The following MMS22L variants were observed in gnomAD, a reference collection of about 807,000 sequenced individuals.
MMS22L encodes protein MMS22-like.
In MMS22L, 74 loss-of-function variants were observed where a neutral mutation model predicts 159.1. The ratio of observed to expected loss-of-function variants is 0.47; its 90% CI spans 0.39 to 0.56. MMS22L has a LOEUF of 0.56. MMS22L is among the 20% of genes least tolerant of loss of function. The pLI, the probability that MMS22L is intolerant of heterozygous loss-of-function variation, is 0.00. For synonymous variants in MMS22L, 517 were observed against 506.9 expected, an observed-to-expected ratio of 1.02 and a Z score of -0.27; for missense variants, 1,351 against 1,422.1, an observed-to-expected ratio of 0.95 and a Z score of 0.80.
rs141798996 is a variant in MMS22L at position 97,142,357 on chromosome 6, C to T, written c.*4449G>A. On this transcript the variant is annotated 3_prime_UTR_variant, in exon 25 of 25. Coordinates refer to ENST00000683635, the MANE Select transcript of MMS22L (RefSeq NM_001350599.2). ...TCAATTCCAACCATTTGGTAATTTACAATGCAGGTTATCACAGTATCAAAA... is the reference window on the plus strand; with the variant it reads ...TCAATTCCAACCATTTGGTAATTTATAATGCAGGTTATCACAGTATCAAAA... 8 of 152,466 alleles carry T rather than the reference C, an allele frequency of 5.2e-5. No individual in the cohort carries two copies. Among genetic ancestry groups the T allele is most frequent in the East Asian group, 1.9e-4 (1 of 5,188 alleles). The allele number at this position is 152,466 out of a possible 1,614,324, so 9.4% of individuals were successfully genotyped here.
Position 97,246,694 on chromosome 6 carries a change from G to A in MMS22L, c.1120-4C>T. 6.5e-7 allele frequency: 1 copy of A among 1,539,606 alleles called. No homozygotes were observed. ...TCCAATTTGATTCCACTTTTCTCTA[G>A]AAAGGGAGAAAATAGTGCATCAAAA... On this transcript the variant is annotated splice_polypyrimidine_tract_variant and splice_region_variant and intron_variant, in intron 10 of 24. Coordinates refer to ENST00000683635, the MANE Select transcript of MMS22L (RefSeq NM_001350599.2).
intron 24 of MMS22L, 88 bp from the exon 25 acceptor site, chr6:97,146,975 T>TCCATCCATCCATCTATTCAG: frequency 2.5e-6 from 2 of 805,392 alleles, no homozygotes; most frequent in Non-Finnish European, 3.9e-6. Context: ...CTGCCCATCA[T>TCCATCCATCCATCTATTCAG]CCATCCATCC....
chr6:97,275,891 T>C (rs565904618), intron 4 of MMS22L, among the ~76,000 whole-genome samples: 26 of 152,018 alleles, frequency 1.7e-4, no homozygotes, highest in Non-Finnish European at 3.1e-4. Context: ...TAGTCTCAGC[T>C]ACTTGGGAAG....
chr6:97,197,069 A>T (rs1806604673), intron 14 of MMS22L, among the ~76,000 whole-genome samples: 2 of 152,156 alleles, frequency 1.3e-5, no homozygotes, highest in Non-Finnish European at 2.9e-5. Flanking sequence ...CAAAAAAAAT[A>T]AAAATTTTCA....
chr6:97,172,679 A>G (rs1324060581), intron 19 of MMS22L, among the ~76,000 whole-genome samples: 4 of 152,046 alleles, frequency 2.6e-5, no homozygotes, highest in African/African-American at 9.7e-5. Flanking sequence ...AGAGCAGAGC[A>G]TAGAAATAGA....
chr6:97,155,676 G>A (rs1182353559), intron 22 of MMS22L, among the ~76,000 whole-genome samples: 2 of 152,150 alleles, frequency 1.3e-5, no homozygotes, highest in Non-Finnish European at 1.5e-5. Context: ...GTATTCCATG[G>A]TGTATATATG....
intron 14 of MMS22L, among the ~76,000 whole-genome samples, chr6:97,192,428 T>C (rs940891681): frequency 5.9e-5 from 9 of 152,306 alleles, no homozygotes; most frequent in Non-Finnish European, 7.4e-5. Context: ...GTTTTTCATC[T>C]GTTAAATGGA....
At chr6:97,270,353 T>G in intron 6 of MMS22L, 1 of 453,138 alleles carries the variant, frequency 2.2e-6, no homozygotes, top group Admixed American at 2.4e-5. Flanking sequence ...GCTAGGAAAT[T>G]TTTTTTAATG....
In MMS22L at chr6:97,267,875, G is replaced by C. The variant is rs1343477153; in HGVS notation, c.825C>G (p.Asp275Glu). 2 of 1,603,126 alleles carry C rather than the reference G, an allele frequency of 1.2e-6. No homozygotes were observed. The highest frequency in any genetic ancestry group is 1.7e-6 in the Non-Finnish European group (2 of 1,176,580). Residue 275 changes from aspartate to glutamate, a missense_variant, in exon 8 of 25, where the codon GAC becomes GAG. Asp to Glu is a conservative substitution (Grantham distance 45, BLOSUM62 2). Coordinates refer to ENST00000683635, the MANE Select transcript of MMS22L (RefSeq NM_001350599.2). ...ATACAAACTCTTAAAGCATTACCTTGTCGTACCTGTTGAGTGACAGGCTTA... is the reference window on the plus strand; with the variant it reads ...ATACAAACTCTTAAAGCATTACCTTCTCGTACCTGTTGAGTGACAGGCTTA... ...DLISLSLNRYDKVRSSESLMS... is the reference protein window; with the variant it reads ...DLISLSLNRYEKVRSSESLMS...
intron 14 of MMS22L, among the ~76,000 whole-genome samples, chr6:97,194,832 G>C (rs1365600559): frequency 6.6e-6 from 1 of 152,096 alleles, no homozygotes; most frequent in Non-Finnish European, 1.5e-5. Flanking sequence ...TGAAAAGGAG[G>C]AAAGTAAAAA....
At chr6:97,262,696 CA>C (rs1814628240) in intron 9 of MMS22L, among the ~76,000 whole-genome samples, 1 of 151,432 alleles carries the variant, frequency 6.6e-6, no homozygotes, top group Admixed American at 6.6e-5. Flanking sequence ...ACCCAAACCC[CA>C]AATTACAGAA....
intron 6 of MMS22L, chr6:97,271,921 C>G (rs889642042): frequency 6.6e-6 from 1 of 152,230 alleles, no homozygotes; most frequent in African/African-American, 2.4e-5. Flanking sequence ...ATCCTCCTGC[C>G]TCAGCCACCC....
chr6:97,162,257 AC>A, intron 21 of MMS22L, 92 bp from the exon 22 acceptor site: 8 of 1,055,338 alleles, frequency 7.6e-6, no homozygotes, highest in Non-Finnish European at 8.2e-6. Flanking sequence ...GGCAAAATTT[AC>A]CCCCCAAATT....
chr6:97,239,277 T>G (rs1275408489), intron 11 of MMS22L, among the ~76,000 whole-genome samples: 1 of 152,192 alleles, frequency 6.6e-6, no homozygotes, highest in Non-Finnish European at 1.5e-5. Context: ...TCAAAATAAT[T>G]TTTTAAAATC....
At chr6:97,180,886 G>C (rs1445158463) in intron 16 of MMS22L, among the ~76,000 whole-genome samples, 1 of 152,142 alleles carries the variant, frequency 6.6e-6, no homozygotes, top group Admixed American at 6.5e-5. Flanking sequence ...CTTAGGAAAA[G>C]ACTTAGCTCA....
chr6:97,191,403 T>C (rs1805849286), intron 14 of MMS22L, among the ~76,000 whole-genome samples: 1 of 152,226 alleles, frequency 6.6e-6, no homozygotes. Flanking sequence ...TTTCCTGGTA[T>C]TCACAGTTGT....
chr6:97,199,053 C>A (rs1806850681), intron 14 of MMS22L, among the ~76,000 whole-genome samples: 1 of 152,096 alleles, frequency 6.6e-6, no homozygotes, highest in Admixed American at 6.6e-5. Context: ...ACCATCCCAG[C>A]AGTCTTTTTC....
intron 22 of MMS22L, among the ~76,000 whole-genome samples, chr6:97,154,864 A>T (rs978517437): frequency 6.6e-6 from 1 of 152,110 alleles, no homozygotes; most frequent in African/African-American, 2.4e-5. Flanking sequence ...GTTGCTTTGT[A>T]ACATGTTTTG....
At chr6:97,163,723 C>T (rs1802679894) in intron 21 of MMS22L, among the ~76,000 whole-genome samples, 1 of 151,714 alleles carries the variant, frequency 6.6e-6, no homozygotes, top group Non-Finnish European at 1.5e-5. Flanking sequence ...CATATGATTT[C>T]AAAAAAGGAA....
Sources: gnomAD v4.1 joint callset for allele counts (sites outside exome capture counted in the v4.1 genomes callset) on GRCh38, gnomAD v4.1.1 for gene constraint, MANE v1.5 for transcripts, NCBI Gene and HGNC (gene_info 2026-07-23, HGNC 2026-07-21) for gene names.